The following ZNF275 variants were observed in gnomAD, a reference collection of about 807,000 sequenced individuals.
ZNF275 encodes the protein zinc finger protein 275.
ZNF275 carries 4 observed loss-of-function variants against 4.3 expected under a neutral mutation model. The observed-to-expected ratio is 0.93, with a 90% CI of 0.46 to 2.13. The LOEUF (loss-of-function observed/expected upper bound fraction) is 2.13, where lower values mean the gene tolerates loss of function less well. Ranked by LOEUF, ZNF275 falls within the 30% of genes most tolerant of loss-of-function variation. The pLI is 0.02. For missense variants in ZNF275, 352 were observed against 397.1 expected, an observed-to-expected ratio of 0.89 and a Z score of 0.97; for synonymous variants, 173 against 166.9, an observed-to-expected ratio of 1.04 and a Z score of -0.28.
intron 2 of ZNF275, among the ~76,000 whole-genome samples, chrX:153,342,546 T>C (rs782047433): frequency 8.9e-6 from 1 of 111,951 alleles, no homozygotes; most frequent in Non-Finnish European, 1.9e-5. Flanking sequence ...TATGATCCCT[T>C]TGAGGCCTAT....
Position 153,347,102 on chromosome X carries a change from G to T in ZNF275, c.417G>T (p.Arg139Ser), listed in dbSNP as rs782560666. 1.7e-5 allele frequency: 21 copies of T among 1,211,474 alleles called. No individual in the cohort carries two copies. Among genetic ancestry groups the T allele is most frequent in the Middle Eastern group, 2.3e-4 (1 of 4,353 alleles). ...GTGGCGACTGCGGGAAGGTCTTTAG[G>T]GGGGTGGCGGAGTTTAATGAGCACA... is the stretch of plus-strand genomic sequence containing the variant. ...WECGDCGKVFRGVAEFNEHRK... is the reference protein window; with the variant it reads ...WECGDCGKVFSGVAEFNEHRK... Residue 139 changes from arginine (R) to serine (S), a missense_variant, in exon 4 of 4, where the codon AGG becomes AGT. By Grantham distance (110) the Arg-to-Ser change is moderately radical. Transcript: ENST00000650114.
At position 153,345,520 on chromosome X, in the gene ZNF275, G is replaced by A. The variant is rs1230669249; in HGVS notation, c.32G>A (p.Gly11Asp). The A allele has an allele frequency of 5.8e-6, 7 of 1,204,561 alleles. No individual in the cohort carries two copies. The highest frequency in any genetic ancestry group is 3.5e-5 in the African/African-American group (2 of 57,331). The change falls in exon 3 of 4, where the codon GGC becomes GAC. Residue 11 changes from glycine to aspartate, a missense_variant and splice_region_variant. Coordinates refer to ENST00000650114, the MANE Select transcript of ZNF275 (RefSeq NM_001367757.1). MMSHPCVSLL[G>D]VPVLNPALVP... ...AACCAATCTCCTTTCCCATGAGCAG[G>A]CGTTCCTGTTTTAAATCCTGCCTTG...
chrX:153,335,320 C>G (rs1281423584), intron 1 of ZNF275: 1 of 109,038 alleles, frequency 9.2e-6, no homozygotes, highest in Non-Finnish European at 1.9e-5. Flanking sequence ...AACCTCAGCC[C>G]GACATTTTTC....
intron 2 of ZNF275, among the ~76,000 whole-genome samples, chrX:153,336,953 T>C (rs2088450237): frequency 9.0e-6 from 1 of 111,484 alleles, no homozygotes; most frequent in African/African-American, 3.3e-5. Flanking sequence ...TAATCTCCCT[T>C]TTGGATGGGA....
chrX:153,345,565 G>A lies in ZNF275; in HGVS notation c.77G>A (p.Gly26Glu), dbSNP rs1556961452. The change falls in exon 3 of 4, where the codon GGA becomes GAA. Residue 26 changes from glycine (G) to glutamate (E), a missense_variant. Coordinates refer to ENST00000650114, the MANE Select transcript of ZNF275 (RefSeq NM_001367757.1). ...GCCTTGGTCCCTCACCTGGCACAAG[G>A]ACAAGTGCTACTGGTGTCAGACCCA... ...NPALVPHLAQ[G>E]QVLLVSDPSP... 6.6e-6 allele frequency: 8 copies of A among 1,209,919 alleles called. No individual in the cohort carries two copies.
At chrX:153,336,577 T>C in intron 1 of ZNF275, 57 bp from the exon 2 acceptor site, 1 of 853,387 alleles carries the variant, frequency 1.2e-6, no homozygotes, top group Non-Finnish European at 1.7e-6. Flanking sequence ...GGGGACATGT[T>C]CCTGGGAGGT....
intron 2 of ZNF275, chrX:153,344,291 C>G (rs923173343): frequency 3.4e-6 from 1 of 290,093 alleles, no homozygotes; most frequent in Admixed American, 3.8e-5. Flanking sequence ...GTCTCTTGCC[C>G]CAGCATGACA....
At chrX:153,334,710 C>T (rs1371991542) in intron 1 of ZNF275, among the ~76,000 whole-genome samples, 9 of 109,276 alleles carry the variant, frequency 8.2e-5, no homozygotes, top group Non-Finnish European at 1.5e-4. Context: ...CCCCTAGCTC[C>T]TAGGAGCCCG....
In ZNF275 at chrX:153,345,614, G is replaced by A; in HGVS notation, c.126G>A (p.Lys42=). The A allele has an allele frequency of 8.3e-7, 1 of 1,203,179 alleles. No homozygotes were observed. Among genetic ancestry groups the A allele is most frequent in the Non-Finnish European group, 1.1e-6 (1 of 888,148 alleles). ...CATCGCCCAACACTGATCCTGCTAA[G>A]TACTCTGGTGAGTGAAAAAGAAATG... ...SDPSPNTDPA[K]YSESTSATRH... Residue 42 remains lysine (K), a synonymous_variant, in exon 3 of 4, where the codon AAG becomes AAA. Coordinates refer to ENST00000650114, the MANE Select transcript of ZNF275 (RefSeq NM_001367757.1).
At chrX:153,345,757 TTGAGGTTAGGGTTTGGGGGC>T (rs2088509943) in intron 3 of ZNF275, 136 bp downstream of exon 3, 1 of 119,433 alleles carries the variant, frequency 8.4e-6, no homozygotes, top group Non-Finnish European at 1.2e-5. Context: ...GCTCTTGGAG[TTGAGGTTAGGGTTTGGGGGC>T]CCTGCTGAGC....
intron 2 of ZNF275, among the ~76,000 whole-genome samples, chrX:153,340,209 GC>G (rs1278054755): frequency 8.9e-6 from 1 of 112,211 alleles, no homozygotes; most frequent in African/African-American, 3.2e-5. Flanking sequence ...CACTGGGGAA[GC>G]CCCTGTGCCA....
rs1556962132 is a variant in ZNF275, at chrX:153,349,880, T to A, written c.*1905T>A. On this transcript the variant is annotated 3_prime_UTR_variant, in exon 4 of 4. Coordinates refer to ENST00000650114, the MANE Select transcript of ZNF275 (RefSeq NM_001367757.1). ...CACTGGAGATGCTCCCATCATAGAT[T>A]AGCCAGAACTCTGTGACTGCTCATC... 1 of 123,266 alleles carries A rather than the reference T, an allele frequency of 8.1e-6. No individual in the cohort carries two copies. Among genetic ancestry groups the A allele is most frequent in the African/African-American group, 3.3e-5 (1 of 30,709 alleles). 10.2% of individuals were successfully genotyped at this position (123,266 alleles called of 1,213,427 possible).
chrX:153,339,106 A>C (rs2088465210), intron 2 of ZNF275, among the ~76,000 whole-genome samples: 1 of 110,513 alleles, frequency 9.0e-6, no homozygotes, highest in Non-Finnish European at 1.9e-5. Flanking sequence ...AGTGTGCTCC[A>C]TTTAACATGC....
intron 2 of ZNF275, among the ~76,000 whole-genome samples, chrX:153,339,964 A>G (rs1057219178): frequency 1.1e-4 from 12 of 111,993 alleles, no homozygotes; most frequent in Non-Finnish European, 1.9e-5. Flanking sequence ...TGTATCCACA[A>G]TATCCCCCTC....
intron 3 of ZNF275, 103 bp from the exon 4 acceptor site, chrX:153,346,716 G>A (rs1026989075): frequency 2.4e-5 from 22 of 919,325 alleles, no homozygotes; most frequent in Middle Eastern, 5.8e-4. Flanking sequence ...CCCAGGCCCC[G>A]TGCTCAGTGG....
intron 2 of ZNF275, among the ~76,000 whole-genome samples, chrX:153,340,105 C>T (rs1370079021): frequency 8.9e-6 from 1 of 112,141 alleles, no homozygotes; most frequent in African/African-American, 3.2e-5. Flanking sequence ...GAATGTATAC[C>T]AGAGGAATCC....
intron 2 of ZNF275, among the ~76,000 whole-genome samples, chrX:153,339,166 A>T (rs1556960849): frequency 9.0e-6 from 1 of 110,975 alleles, no homozygotes; most frequent in African/African-American, 3.3e-5. Context: ...TCACGTACCC[A>T]CTCAGGGCCA....
rs782134830 is a variant in ZNF275 at position 153,346,990 on chromosome X, C to T, written c.305C>T (p.Ala102Val). 3.3e-6 allele frequency: 4 copies of T among 1,209,570 alleles called. No individual in the cohort carries two copies. Among genetic ancestry groups the T allele is most frequent in the Non-Finnish European group, 4.5e-6 (4 of 895,133 alleles). ...PQNLPIEHHF[A>V]CKECGDTFRL... Reference sequence around the variant, plus strand: ...AATCTGCCCATAGAACATCATTTTGCTTGTAAAGAGTGTGGGGACACCTTT... The same window carrying T: ...AATCTGCCCATAGAACATCATTTTGTTTGTAAAGAGTGTGGGGACACCTTT... Residue 102 changes from alanine to valine, a missense_variant, in exon 4 of 4, where the codon GCT becomes GTT. Coordinates refer to ENST00000650114, the MANE Select transcript of ZNF275 (RefSeq NM_001367757.1).
In ZNF275 at chrX:153,348,104, A is replaced by G; in HGVS notation, c.*129A>G. The G allele has an allele frequency of 1.6e-6, 1 of 638,460 alleles. No individual in the cohort carries two copies. Among genetic ancestry groups the G allele is most frequent in the Non-Finnish European group, 2.2e-6 (1 of 456,662 alleles). The allele number at this position is 638,460 out of a possible 1,213,427, so 52.6% of individuals were successfully genotyped here. On this transcript the variant is annotated 3_prime_UTR_variant, in exon 4 of 4. Coordinates refer to ENST00000650114, the MANE Select transcript of ZNF275 (RefSeq NM_001367757.1). ...AAGGTTGAGACCGATTTATACTGCC[A>G]CCAGCAATTTATAAGTGTTACGTTA...
Sources: allele counts gnomAD v4.1 joint callset (sites outside exome capture counted in the v4.1 genomes callset), GRCh38; gene constraint gnomAD v4.1.1; transcripts MANE v1.5; gene names NCBI Gene and HGNC (gene_info 2026-07-23, HGNC 2026-07-21).